Variants in ERBB4 observed in about 807,000 individuals in gnomAD.
The protein encoded by ERBB4 is receptor tyrosine-protein kinase erbB-4.
Under a neutral mutation model 158.0 loss-of-function variants are expected in ERBB4, and 42 were observed. That is an observed-to-expected ratio of 0.27 (90% CI 0.21 to 0.34). The LOEUF is 0.34. Among genes scored for constraint, ERBB4 ranks in the 10% least tolerant of loss-of-function variants. The pLI, the probability that ERBB4 is intolerant of heterozygous loss-of-function variation, is 1.00. For synonymous variants in ERBB4, 583 were observed against 558.7 expected, an observed-to-expected ratio of 1.04 and a Z score of -0.61; for missense variants, 1,333 against 1,624.1, an observed-to-expected ratio of 0.82 and a Z score of 3.08.
intron 2 of ERBB4, among the ~76,000 whole-genome samples, chr2:212,035,309 G>C (rs1575545364): frequency 6.6e-6 from 1 of 152,176 alleles, no homozygotes; most frequent in African/African-American, 2.4e-5. Context: ...TGTTTTATTT[G>C]GGTTAATGTC....
At chr2:211,754,230 A>T (rs1249575389) in intron 4 of ERBB4, among the ~76,000 whole-genome samples, 4 of 141,136 alleles carry the variant, frequency 2.8e-5, no homozygotes, top group Non-Finnish European at 6.3e-5. Context: ...AGTTTTATAA[A>T]CTACTTCTCC....
chr2:211,413,024 T>C (rs2063297560), intron 25 of ERBB4, among the ~76,000 whole-genome samples: 1 of 151,062 alleles, frequency 6.6e-6, no homozygotes, highest in African/African-American at 2.4e-5. Context: ...GGCCCAGTGC[T>C]GTGGCTCACG....
At chr2:211,925,625 C>T (rs1456736485) in intron 3 of ERBB4, among the ~76,000 whole-genome samples, 1 of 151,984 alleles carries the variant, frequency 6.6e-6, no homozygotes, top group Non-Finnish European at 1.5e-5. Flanking sequence ...TTGTGATCCG[C>T]CCACCTCGGC....
intron 2 of ERBB4, among the ~76,000 whole-genome samples, chr2:211,972,934 C>T (rs76565306): frequency 1.3e-5 from 2 of 152,062 alleles, no homozygotes; most frequent in Admixed American, 1.3e-4. Context: ...AGAGTTTCTG[C>T]ACAGCAAAAG....
rs994872331 is a variant in ERBB4 at position 212,177,988 on chromosome 2, G to C, written c.83-53085C>G. Reference sequence around the variant, plus strand: ...TGTGTGTGTGTGTGTGTGTTGGGAAGAGGGTTGTTCATGGAGGAATGTTTC... The same window carrying C: ...TGTGTGTGTGTGTGTGTGTTGGGAACAGGGTTGTTCATGGAGGAATGTTTC... On this transcript the variant is annotated intron_variant, in intron 1 of 27. Coordinates refer to ENST00000342788, the MANE Select transcript of ERBB4 (RefSeq NM_005235.3). Among the ~76,000 whole-genome samples the C allele has an allele frequency of 5.3e-5, 8 of 151,204 alleles. No individual in the cohort carries two copies. The East Asian group carries it at 1.5e-3, about 29-fold the overall frequency.
At chr2:212,062,071 T>A (rs2077788273) in intron 2 of ERBB4, among the ~76,000 whole-genome samples, 2 of 152,200 alleles carry the variant, frequency 1.3e-5, no homozygotes, top group Non-Finnish European at 1.5e-5. Flanking sequence ...AAAATCTATA[T>A]CTGTCAAAGT....
intron 15 of ERBB4, chr2:211,658,133 A>G (rs1373160968): frequency 1.7e-6 from 1 of 581,800 alleles, no homozygotes; most frequent in East Asian, 4.0e-5. Context: ...AGCCAGGAAG[A>G]TTTTTGCTTG....
chr2:211,640,330 C>A (rs2070530874), intron 16 of ERBB4, among the ~76,000 whole-genome samples: 3 of 151,998 alleles, frequency 2.0e-5, no homozygotes. Context: ...GGCCTTGCAG[C>A]CTACTGAAGA....
rs114525030 is a variant in ERBB4 at position 211,818,727 on chromosome 2, C to A, written c.422-30568G>T. The stretch of plus-strand genomic sequence containing the variant: ...TTCCATTAACTTGAAACTATTTTTT[C>A]AACAAAAACATTGAATATGTTTTTA... On this transcript the variant is annotated intron_variant, in intron 3 of 27. Coordinates refer to ENST00000342788, the MANE Select transcript of ERBB4 (RefSeq NM_005235.3). Among the ~76,000 whole-genome samples the A allele has an allele frequency of 7.6e-3, 1,154 of 151,980 alleles. 9 individuals are homozygous for A. The highest frequency in any genetic ancestry group is 0.027 in the African/African-American group (1,104 of 41,464).
intron 1 of ERBB4, among the ~76,000 whole-genome samples, chr2:212,300,775 G>A (rs1013239804): frequency 6.6e-6 from 1 of 151,328 alleles, no homozygotes; most frequent in Admixed American, 6.6e-5. Flanking sequence ...ACCTGCGTTC[G>A]AATCTTAATG....
intron 3 of ERBB4, among the ~76,000 whole-genome samples, chr2:211,908,959 A>G (rs939097899): frequency 2.6e-5 from 4 of 151,662 alleles, no homozygotes; most frequent in African/African-American, 9.7e-5. Context: ...TAAAAATTAT[A>G]TATGTTATAA....
At position 212,286,594 on chromosome 2, in the gene ERBB4, C is replaced by CTTTTTTTTTTT. The variant is rs71054190; in HGVS notation, c.83-161702_83-161692dup. Among the ~76,000 whole-genome samples, 10 of 55,542 alleles carry CTTTTTTTTTTT rather than the reference C, an allele frequency of 1.8e-4. 1 individual carries two copies. Among genetic ancestry groups the CTTTTTTTTTTT allele is most frequent in the African/African-American group, 5.8e-4 (10 of 17,248 alleles). 36.4% of individuals were successfully genotyped at this position (55,542 alleles called of 152,430 possible). A position where few individuals can be genotyped will look rare whatever the true frequency, so the allele number is the denominator to read the frequency against. ...AATGAGATGATTACATAAGTGCTGACTTTTTTTTTTTTTTTTTTTTTTTTT... is the reference window on the plus strand; with the variant it reads ...AATGAGATGATTACATAAGTGCTGACTTTTTTTTTTTTTTTTTTTTTTTTTTTTTTTTTTTT... On this transcript the variant is annotated intron_variant, in intron 1 of 27. Transcript: ENST00000342788.
Position 211,769,956 on chromosome 2 carries a change from C to T in ERBB4, c.556+18069G>A, listed in dbSNP as rs138833911. On this transcript the variant is annotated intron_variant, in intron 4 of 27. Transcript: ENST00000342788. ...TTAGCAACACCCTCATAGACACAACCAGGAAAAATACTTCGTATCCTTCAA... is the reference window on the plus strand; with the variant it reads ...TTAGCAACACCCTCATAGACACAACTAGGAAAAATACTTCGTATCCTTCAA... Among the ~76,000 whole-genome samples, 178 of 152,298 alleles carry T rather than the reference C, an allele frequency of 1.2e-3. 1 individual carries two copies. Among genetic ancestry groups the T allele is most frequent in the African/African-American group, 4.0e-3 (165 of 41,556 alleles).
intron 1 of ERBB4, among the ~76,000 whole-genome samples, chr2:212,239,419 A>G (rs900747995): frequency 5.9e-5 from 9 of 152,246 alleles, no homozygotes; most frequent in African/African-American, 1.9e-4. Context: ...TGAATGTTAC[A>G]TGGTACAATT....
rs147625497 is a variant in ERBB4 at position 212,464,021 on chromosome 2, A to G, written c.82+74428T>C. On this transcript the variant is annotated intron_variant, in intron 1 of 27. Transcript: ENST00000342788. Reference sequence around the variant, plus strand: ...CAGCAGTCAACACCTCTGCAAGTGGAATACAGAAACTGCCACTTCTGCTTA... The same window carrying G: ...CAGCAGTCAACACCTCTGCAAGTGGGATACAGAAACTGCCACTTCTGCTTA... 7.2e-5 allele frequency among the ~76,000 whole-genome samples: 11 copies of G among 152,204 alleles called. No individual in the cohort carries two copies. The East Asian group carries it at 2.1e-3, about 29-fold the overall frequency.
At chr2:211,611,511 C>T (rs2069199945) in intron 19 of ERBB4, among the ~76,000 whole-genome samples, 1 of 146,972 alleles carries the variant, frequency 6.8e-6, no homozygotes, top group African/African-American at 2.7e-5. Flanking sequence ...GTAACACTTG[C>T]TGCTGTGGTT....
At chr2:211,437,127 C>T (rs1163087842) in intron 20 of ERBB4, among the ~76,000 whole-genome samples, 2 of 152,036 alleles carry the variant, frequency 1.3e-5, no homozygotes, top group Admixed American at 6.6e-5. Context: ...CTGATTTTAC[C>T]GAAACTATTC....
intron 25 of ERBB4, among the ~76,000 whole-genome samples, chr2:211,410,413 G>A (rs759774023): frequency 6.6e-6 from 1 of 152,098 alleles, no homozygotes; most frequent in Non-Finnish European, 1.5e-5. Flanking sequence ...TAATACCAAT[G>A]GTTGGTGTTC....
intron 20 of ERBB4, among the ~76,000 whole-genome samples, chr2:211,528,825 A>G (rs1288467313): frequency 6.6e-6 from 1 of 151,988 alleles, no homozygotes; most frequent in African/African-American, 2.4e-5. Context: ...TGGGAGAACA[A>G]CATACCAAAA....
Sources: gnomAD v4.1 joint callset for allele counts (sites outside exome capture counted in the v4.1 genomes callset) on GRCh38, gnomAD v4.1.1 for gene constraint, MANE v1.5 for transcripts, NCBI Gene and HGNC (gene_info 2026-07-23, HGNC 2026-07-21) for gene names.